The following CD274 variants were observed in gnomAD, a reference collection of about 807,000 sequenced individuals.
The protein encoded by CD274 is programmed cell death 1 ligand 1.
A neutral mutation model predicts 30.1 loss-of-function variants in CD274; 8 were observed. The ratio of observed to expected loss-of-function variants is 0.27; its 90% CI spans 0.16 to 0.48. CD274 has a LOEUF of 0.48. CD274 is among the 20% of genes least tolerant of loss of function. CD274 has a pLI of 0.99. For missense variants in CD274, 353 were observed against 346.6 expected (o/e 1.02, Z -0.15); for synonymous variants, 152 against 124.6 (o/e 1.22, Z -1.46).
intron 6 of CD274, among the ~76,000 whole-genome samples, chr9:5,467,473 A>T (rs1209875598): frequency 1.3e-5 from 2 of 152,174 alleles, no homozygotes; most frequent in Non-Finnish European, 2.9e-5. Flanking sequence ...AAGGTTTCTA[A>T]TTTTTTTAAT....
chr9:5,465,463 T>G (rs762582717), intron 4 of CD274, 36 bp from the exon 5 acceptor site: 6 of 1,234,496 alleles, frequency 4.9e-6, no homozygotes, highest in Admixed American at 1.7e-5. Context: ...AATTTTATCT[T>G]TAGTCAGTTT....
intron 1 of CD274, among the ~76,000 whole-genome samples, chr9:5,453,973 T>C (rs822342): frequency 0.77 from 117,068 of 152,174 alleles, 45,804 homozygotes; most frequent in African/African-American, 0.9. Flanking sequence ...AGTGATGAAA[T>C]AGTAGGGGAT....
intron 1 of CD274, among the ~76,000 whole-genome samples, chr9:5,454,628 CAT>C (rs34028061): frequency 0.24 from 30,534 of 128,670 alleles, 3,475 homozygotes; most frequent in East Asian, 0.43. Flanking sequence ...CATATACAGA[CAT>C]ATATATATAT....
At chr9:5,465,762 G>A in intron 5 of CD274, 156 bp downstream of exon 5, 1 of 548,886 alleles carries the variant, frequency 1.8e-6, no homozygotes, top group Non-Finnish European at 3.3e-6. Flanking sequence ...TGGGATCACT[G>A]GGTGAAGATG....
At position 5,450,583 on chromosome 9, in the gene CD274, C is replaced by T. The variant is rs1182083564; in HGVS notation, c.-28C>T. 1 of 152,332 alleles carries T rather than the reference C, an allele frequency of 6.6e-6. No individual in the cohort carries two copies. Among genetic ancestry groups the T allele is most frequent in the Non-Finnish European group, 1.5e-5 (1 of 68,114 alleles). The allele number at this position is 152,332 out of a possible 1,614,324, so 9.4% of individuals were successfully genotyped here. On this transcript the variant is annotated 5_prime_UTR_variant, in exon 1 of 7. Transcript: ENST00000381577. ...CCGAGGCTCCGCACCAGCCGCGCTT[C>T]TGTCCGCCTGCAGGTAGGGAGCGTT...
intron 1 of CD274, among the ~76,000 whole-genome samples, chr9:5,450,910 C>G (rs561655393): frequency 1.3e-5 from 2 of 152,200 alleles, no homozygotes; most frequent in African/African-American, 4.8e-5. Flanking sequence ...GAATATAGCT[C>G]TGATGCTAGG....
Position 5,467,485 on chromosome 9 carries a change from T to G in CD274, c.851-355T>G, listed in dbSNP as rs2131234561. Among the ~76,000 whole-genome samples the G allele has an allele frequency of 2.0e-5, 3 of 152,308 alleles. No homozygotes were observed. In the Middle Eastern group the frequency reaches 0.01, roughly 518 times the overall value. ...ATTAAGGTTTCTAATTTTTTTAATG[T>G]AGTTAGAAACCAAACTTAACAATGA... On this transcript the variant is annotated intron_variant, in intron 6 of 6. Coordinates refer to ENST00000381577, the MANE Select transcript of CD274 (RefSeq NM_014143.4).
Position 5,469,542 on chromosome 9 carries a change from C to T in CD274, c.*1680C>T. On this transcript the variant is annotated 3_prime_UTR_variant, in exon 7 of 7. Coordinates refer to ENST00000381577, the MANE Select transcript of CD274 (RefSeq NM_014143.4). The stretch of plus-strand genomic sequence containing the variant: ...CATTGTATGTCTGCTGTGTACTTTG[C>T]TATTTTTATTTATTTTAGTGTTTCT... 1 of 231,326 alleles carries T rather than the reference C, an allele frequency of 4.3e-6. No homozygotes were observed. Among genetic ancestry groups the T allele is most frequent in the Middle Eastern group, 1.3e-3 (1 of 776 alleles). 14.3% of individuals were successfully genotyped at this position (231,326 alleles called of 1,614,324 possible). A position where few individuals can be genotyped will look rare whatever the true frequency, so the allele number is the denominator to read the frequency against.
In CD274 at chr9:5,465,572, T is replaced by C; in HGVS notation, c.756T>C (p.Gly252=). 6.2e-7 allele frequency: 1 copy of C among 1,607,710 alleles called. No individual in the cohort carries two copies. Residue 252 remains glycine (G), a synonymous_variant, in exon 5 of 7, where the codon GGT becomes GGC. Transcript: ENST00000381577. ...TGGGAGCCATCTTATTATGCCTTGG[T>C]GTAGCACTGACATTCATCTTCCGTT... ...VILGAILLCL[G]VALTFIFRLR...
At chr9:5,459,031 T>TCCCTTCC (rs1563803584) in intron 3 of CD274, among the ~76,000 whole-genome samples, 3 of 152,100 alleles carry the variant, frequency 2.0e-5, no homozygotes, top group Non-Finnish European at 2.9e-5. Flanking sequence ...GTAGGGAGTG[T>TCCCTTCC]GTAGGGAAGG....
chr9:5,463,493 C>T (rs942105582), intron 4 of CD274, among the ~76,000 whole-genome samples: 1 of 152,182 alleles, frequency 6.6e-6, no homozygotes, highest in Non-Finnish European at 1.5e-5. Flanking sequence ...CTGGGGAATA[C>T]CTGAGAGGAA....
chr9:5,451,194 T>C (rs1819196244), intron 1 of CD274, among the ~76,000 whole-genome samples: 1 of 152,226 alleles, frequency 6.6e-6, no homozygotes, highest in South Asian at 2.1e-4. Flanking sequence ...GGGTTTGTCT[T>C]ATAACACAAG....
Position 5,456,085 on chromosome 9 carries a change from G to A in CD274, c.-14-15G>A, listed in dbSNP as rs201006392. ...TTAAGTGAAGCAGTCTTCTTTTCGT[G>A]TTTTCCATAATTAGGGCATTCCAGA... On this transcript the variant is annotated splice_polypyrimidine_tract_variant and intron_variant, in intron 1 of 6. Transcript: ENST00000381577. 52 of 1,498,968 alleles carry A rather than the reference G, an allele frequency of 3.5e-5. No individual in the cohort carries two copies. In the African/African-American group the frequency reaches 5.5e-4, roughly 16 times the overall value. The allele number at this position is 1,498,968 out of a possible 1,614,324, so 92.9% of individuals were successfully genotyped here.
At position 5,462,814 on chromosome 9, in the gene CD274, T is replaced by C. The variant is rs774642962; in HGVS notation, c.395-20T>C. ...TCTGTGCTCAGCAAAAGCCCTGACTTCTTTTTGTTTATGTCCTAGCCCCAT... is the reference window on the plus strand; with the variant it reads ...TCTGTGCTCAGCAAAAGCCCTGACTCCTTTTTGTTTATGTCCTAGCCCCAT... On this transcript the variant is annotated intron_variant, in intron 3 of 6. Transcript: ENST00000381577. 1 of 1,604,402 alleles carries C rather than the reference T, an allele frequency of 6.2e-7. No homozygotes were observed. Among genetic ancestry groups the C allele is most frequent in the South Asian group, 1.1e-5 (1 of 90,576 alleles).
At chr9:5,458,208 C>T (rs987855027) in intron 3 of CD274, among the ~76,000 whole-genome samples, 2 of 152,172 alleles carry the variant, frequency 1.3e-5, no homozygotes, top group Non-Finnish European at 2.9e-5. Context: ...AGGAAAACAC[C>T]TCTGCTTTCA....
chr9:5,458,332 C>G (rs903074209), intron 3 of CD274, among the ~76,000 whole-genome samples: 10 of 152,228 alleles, frequency 6.6e-5, no homozygotes, highest in East Asian at 3.8e-4. Flanking sequence ...ATATTTCCTG[C>G]AATGGCGTCC....
At chr9:5,462,752 C>T (rs1819426497) in intron 3 of CD274, 82 bp from the exon 4 acceptor site, 1 of 1,321,570 alleles carries the variant, frequency 7.6e-7, no homozygotes, top group Non-Finnish European at 1.1e-6. Context: ...CATTGATACT[C>T]TTTCTAATGT....
chr9:5,465,404 G>GCTAAA (rs1819479760), intron 4 of CD274, 95 bp from the exon 5 acceptor site: 1 of 693,514 alleles, frequency 1.4e-6, no homozygotes, highest in Admixed American at 2.4e-5. Flanking sequence ...TTATCCTAAA[G>GCTAAA]CTAAACTAAA....
At chr9:5,460,801 T>C (rs7048841) in intron 3 of CD274, among the ~76,000 whole-genome samples, 90,262 of 152,000 alleles carry the variant, frequency 0.59, 27,959 homozygotes, top group East Asian at 0.92. Context: ...TGATTACTCA[T>C]CTCATCTGTA....
Sources: allele counts gnomAD v4.1 joint callset (sites outside exome capture counted in the v4.1 genomes callset), GRCh38; gene constraint gnomAD v4.1.1; transcripts MANE v1.5; gene names NCBI Gene and HGNC (gene_info 2026-07-23, HGNC 2026-07-21).